The following HS3ST3A1 variants were observed in gnomAD, a reference collection of about 807,000 sequenced individuals.
HS3ST3A1 encodes the protein heparan sulfate-glucosamine 3-sulfotransferase 3A1, also known as heparan sulfate glucosamine 3-O-sulfotransferase 3A1.
In HS3ST3A1, 19 loss-of-function variants were observed where a neutral mutation model predicts 25.7. That is an observed-to-expected ratio of 0.74 (90% confidence interval 0.52 to 1.08). The LOEUF (loss-of-function observed/expected upper bound fraction) is 1.08. Among genes scored for constraint, HS3ST3A1 ranks in the 50% least tolerant of loss-of-function variants. HS3ST3A1 has a pLI of 0.00. For synonymous variants in HS3ST3A1, 226 were observed against 278.6 expected, an observed-to-expected ratio of 0.81 and a Z score of 1.88; for missense variants, 459 against 594.3, an observed-to-expected ratio of 0.77 and a Z score of 2.37.
intron 1 of HS3ST3A1, among the ~76,000 whole-genome samples, chr17:13,510,423 G>A (rs957940415): frequency 2.0e-5 from 3 of 152,194 alleles, no homozygotes; most frequent in African/African-American, 7.2e-5. Flanking sequence ...GAAACATGAT[G>A]AGGATAAATC....
At chr17:13,538,963 G>A (rs960519603) in intron 1 of HS3ST3A1, among the ~76,000 whole-genome samples, 2 of 152,174 alleles carry the variant, frequency 1.3e-5, no homozygotes, top group African/African-American at 4.8e-5. Context: ...GCTCAGCTAA[G>A]TGATTCATCT....
chr17:13,531,633 G>A (rs1379869066), intron 1 of HS3ST3A1, among the ~76,000 whole-genome samples: 2 of 144,314 alleles, frequency 1.4e-5, no homozygotes, highest in Non-Finnish European at 3.0e-5. Context: ...TAAAAAGGAA[G>A]GTTAGAGAAC....
chr17:13,547,953 A>T (rs1333945987), intron 1 of HS3ST3A1, among the ~76,000 whole-genome samples: 5 of 151,802 alleles, frequency 3.3e-5, no homozygotes, highest in Non-Finnish European at 4.4e-5. Context: ...CCAAAAAAAA[A>T]AAAAAAAAAA....
chr17:13,596,111 G>A (rs556264588), intron 1 of HS3ST3A1, among the ~76,000 whole-genome samples: 2 of 152,218 alleles, frequency 1.3e-5, no homozygotes, highest in African/African-American at 2.4e-5. Flanking sequence ...AGATTATAAC[G>A]TAGTGGTGGA....
chr17:13,531,049 G>C (rs527560261), intron 1 of HS3ST3A1, among the ~76,000 whole-genome samples: 1 of 152,220 alleles, frequency 6.6e-6, no homozygotes, highest in Non-Finnish European at 1.5e-5. Context: ...GGTCGATTCA[G>C]TGTCATCTGA....
chr17:13,500,097 AT>A (rs1567607675), intron 1 of HS3ST3A1, among the ~76,000 whole-genome samples: 1 of 152,282 alleles, frequency 6.6e-6, no homozygotes, highest in South Asian at 2.1e-4. Flanking sequence ...AAGGGGATAA[AT>A]TTTTTTCATA....
intron 1 of HS3ST3A1, among the ~76,000 whole-genome samples, chr17:13,544,012 T>C (rs920330443): frequency 6.6e-6 from 1 of 152,146 alleles, no homozygotes; most frequent in Non-Finnish European, 1.5e-5. Flanking sequence ...AAGTACAGTT[T>C]TTGTGAAAAT....
intron 1 of HS3ST3A1, among the ~76,000 whole-genome samples, chr17:13,519,843 A>T (rs530318947): frequency 2.0e-5 from 3 of 152,326 alleles, no homozygotes; most frequent in Non-Finnish European, 4.4e-5. Flanking sequence ...ATTAAGCTTC[A>T]ACCAATAGTT....
chr17:13,506,873 A>G (rs540578903), intron 1 of HS3ST3A1, among the ~76,000 whole-genome samples: 1 of 150,800 alleles, frequency 6.6e-6, no homozygotes, highest in East Asian at 2.0e-4. Flanking sequence ...CCTGGGCAAC[A>G]TGCTGTAACC....
At chr17:13,543,019 TG>T (rs951528118) in intron 1 of HS3ST3A1, among the ~76,000 whole-genome samples, 32 of 152,172 alleles carry the variant, frequency 2.1e-4, no homozygotes, top group Non-Finnish European at 4.1e-4. Flanking sequence ...ACCAGGGATC[TG>T]GGAGCTCCAA....
At chr17:13,524,167 A>G (rs560581973) in intron 1 of HS3ST3A1, among the ~76,000 whole-genome samples, 2 of 152,330 alleles carry the variant, frequency 1.3e-5, no homozygotes, top group African/African-American at 2.4e-5. Flanking sequence ...GTGGCCAAGT[A>G]TATACACATT....
intron 1 of HS3ST3A1, among the ~76,000 whole-genome samples, chr17:13,558,467 T>C (rs1400473439): frequency 3.2e-4 from 49 of 152,216 alleles, no homozygotes; most frequent in Non-Finnish European, 4.4e-5. Context: ...AAAACAGTAG[T>C]GATCTATGCT....
At chr17:13,528,926 T>C (rs942378960) in intron 1 of HS3ST3A1, among the ~76,000 whole-genome samples, 1 of 137,992 alleles carries the variant, frequency 7.2e-6, no homozygotes, top group African/African-American at 2.8e-5. Flanking sequence ...ACGTGTGCAG[T>C]GGTCGGGGTG....
At position 13,524,596 on chromosome 17, in the gene HS3ST3A1, T is replaced by C. The variant is rs544689841; in HGVS notation, c.600-27778A>G. Among the ~76,000 whole-genome samples the C allele has an allele frequency of 3.3e-5, 5 of 152,318 alleles. No individual in the cohort carries two copies. The South Asian group carries it at 1.0e-3, about 32-fold the overall frequency. On this transcript the variant is annotated intron_variant, in intron 1 of 1. Coordinates refer to ENST00000284110, the MANE Select transcript of HS3ST3A1 (RefSeq NM_006042.3). ...TTTATTCTTGTTTTTCCAATTGCTCTGGCAAAAGTTCAAATGAATGTATTA... is the reference window on the plus strand; with the variant it reads ...TTTATTCTTGTTTTTCCAATTGCTCCGGCAAAAGTTCAAATGAATGTATTA...
chr17:13,538,851 CAACT>C (rs745590185), intron 1 of HS3ST3A1, among the ~76,000 whole-genome samples: 55 of 152,130 alleles, frequency 3.6e-4, no homozygotes, highest in Non-Finnish European at 6.8e-4. Context: ...ATCTCTTGGC[CAACT>C]AACTGTCATG....
Position 13,569,685 on chromosome 17 carries a change from C to T in HS3ST3A1, c.599+30846G>A, listed in dbSNP as rs117289127. On this transcript the variant is annotated intron_variant, in intron 1 of 1. Transcript: ENST00000284110. ...GTTCATTTTTTACAACTATCAACTT[C>T]TGAAACTTTAATGCAAGAGACCTCC... 7.1e-3 allele frequency among the ~76,000 whole-genome samples: 1,085 copies of T among 152,306 alleles called. 6 individuals carry two copies. Among genetic ancestry groups the T allele is most frequent in the Non-Finnish European group, 0.012 (799 of 68,020 alleles).
At chr17:13,503,340 G>A (rs1023273669) in intron 1 of HS3ST3A1, among the ~76,000 whole-genome samples, 3 of 152,124 alleles carry the variant, frequency 2.0e-5, no homozygotes, top group Non-Finnish European at 4.4e-5. Flanking sequence ...CTAGATAGGA[G>A]GAATAAGTTC....
chr17:13,565,016 C>T (rs73296165), intron 1 of HS3ST3A1, among the ~76,000 whole-genome samples: 8,924 of 152,124 alleles, frequency 0.059, 581 homozygotes, highest in African/African-American at 0.15. Context: ...GCCATCGTGC[C>T]TGGATGAAAT....
chr17:13,600,653 T>A lies in HS3ST3A1; in HGVS notation c.477A>T (p.Gly159=), dbSNP rs967395434. 23 of 1,593,954 alleles carry A rather than the reference T, an allele frequency of 1.4e-5. No homozygotes were observed. Among genetic ancestry groups the A allele is most frequent in the Non-Finnish European group, 2.0e-5 (23 of 1,175,840 alleles). ...SKQLPQAIII[G]VKKGGTRALL... is the part of the protein sequence containing the mutation. ...GCGCCCGCGTGCCGCCCTTCTTCAC[T>A]CCGATGATGATGGCCTGCGGCAGCT... The change falls in exon 1 of 2, where the codon GGA becomes GGT. Residue 159 remains glycine, a synonymous_variant. Coordinates refer to ENST00000284110, the MANE Select transcript of HS3ST3A1 (RefSeq NM_006042.3).
Sources: allele counts gnomAD v4.1 joint callset (sites outside exome capture counted in the v4.1 genomes callset), GRCh38; gene constraint gnomAD v4.1.1; transcripts MANE v1.5; gene names NCBI Gene and HGNC (gene_info 2026-07-23, HGNC 2026-07-21).